Variants in MTX2 observed in about 807,000 individuals in gnomAD.
MTX2 encodes the protein metaxin-2.
Under a neutral mutation model 42.3 loss-of-function variants are expected in MTX2, and 35 were observed. The observed-to-expected ratio is 0.83, with a 90% CI of 0.63 to 1.10. The LOEUF (loss-of-function observed/expected upper bound fraction) is 1.10, where lower values mean the gene tolerates loss of function less well. MTX2 is among the 50% of genes least tolerant of loss of function. The pLI is 0.00. For synonymous variants in MTX2, 119 were observed against 100.9 expected (o/e 1.18, Z -1.08); for missense variants, 307 against 304.1 (o/e 1.01, Z -0.07).
intron 1 of MTX2, among the ~76,000 whole-genome samples, chr2:176,271,310 A>G (rs1575027439): frequency 6.6e-6 from 1 of 152,234 alleles, no homozygotes; most frequent in South Asian, 2.1e-4. Flanking sequence ...TTAGAGGAAA[A>G]CATAGATTAT....
intron 9 of MTX2, among the ~76,000 whole-genome samples, chr2:176,331,515 G>A (rs573683807): frequency 6.6e-6 from 1 of 150,806 alleles, no homozygotes; most frequent in African/African-American, 2.4e-5. Context: ...AACATATTTG[G>A]GTAAAGATAA....
intron 1 of MTX2, among the ~76,000 whole-genome samples, chr2:176,282,698 T>C (rs1001790686): frequency 1.4e-5 from 2 of 143,888 alleles, no homozygotes; most frequent in Non-Finnish European, 3.0e-5. Flanking sequence ...GTTTATCTAC[T>C]TTTTTTTTTT....
intron 7 of MTX2, 50 bp from the exon 8 acceptor site, chr2:176,329,251 G>A (rs755678970): frequency 2.0e-6 from 3 of 1,526,028 alleles, no homozygotes; most frequent in African/African-American, 1.4e-5. Context: ...GTAAAAACGG[G>A]CATTGTTTTT....
intron 1 of MTX2, among the ~76,000 whole-genome samples, chr2:176,294,429 G>A (rs890934842): frequency 2.6e-5 from 4 of 151,856 alleles, no homozygotes; most frequent in African/African-American, 9.7e-5. Context: ...GATTACAGGC[G>A]CCAGCCACCA....
chr2:176,278,649 G>A (rs1693006164), intron 1 of MTX2, among the ~76,000 whole-genome samples: 2 of 152,028 alleles, frequency 1.3e-5, no homozygotes, highest in African/African-American at 2.4e-5. Flanking sequence ...GAAAGAAAAC[G>A]CCACCAAACT....
intron 3 of MTX2, among the ~76,000 whole-genome samples, chr2:176,308,689 A>AC (rs1289139214): frequency 6.6e-6 from 1 of 152,080 alleles, no homozygotes; most frequent in East Asian, 1.9e-4. Flanking sequence ...AGAGGTGTTT[A>AC]TAGTATTCTC....
chr2:176,310,240 C>G lies in MTX2; in HGVS notation c.135+12345C>G, dbSNP rs977174775. On this transcript the variant is annotated intron_variant, in intron 3 of 9. Transcript: ENST00000249442. Reference sequence around the variant, plus strand: ...ACAATGTTGAATATTGGCCCCCAGTCTCTTCTGGTTTGTAGGGTTTCTGCC... The same window carrying G: ...ACAATGTTGAATATTGGCCCCCAGTGTCTTCTGGTTTGTAGGGTTTCTGCC... Among the ~76,000 whole-genome samples the G allele has an allele frequency of 6.2e-5, 9 of 145,408 alleles. No homozygotes were observed. In the East Asian group the frequency reaches 1.6e-3, roughly 25 times the overall value.
intron 3 of MTX2, among the ~76,000 whole-genome samples, chr2:176,303,971 G>T (rs1160629985): frequency 1.3e-5 from 2 of 151,808 alleles, no homozygotes; most frequent in African/African-American, 4.8e-5. Flanking sequence ...ATAGTTTGTT[G>T]CTATTAAACA....
At chr2:176,337,201 C>G (rs1479195247) in intron 9 of MTX2, among the ~76,000 whole-genome samples, 1 of 152,042 alleles carries the variant, frequency 6.6e-6, no homozygotes, top group African/African-American at 2.4e-5. Context: ...ACCACCATGC[C>G]TGGCTAATTT....
chr2:176,315,698 GATCCCA>G (rs1684419366), intron 3 of MTX2, among the ~76,000 whole-genome samples: 2 of 152,094 alleles, frequency 1.3e-5, no homozygotes, highest in Non-Finnish European at 2.9e-5. Context: ...TTGCCTCTCT[GATCCCA>G]TCTCTTAGTA....
chr2:176,332,026 T>A (rs987365537), intron 9 of MTX2, among the ~76,000 whole-genome samples: 1 of 151,216 alleles, frequency 6.6e-6, no homozygotes, highest in Non-Finnish European at 1.5e-5. Flanking sequence ...TTTTTCTTCA[T>A]AAGGGCACAA....
intron 4 of MTX2, among the ~76,000 whole-genome samples, chr2:176,325,904 A>G (rs752534588): frequency 8.6e-5 from 13 of 151,730 alleles, no homozygotes; most frequent in Non-Finnish European, 1.8e-4. Context: ...ATGTTGTCCT[A>G]TGGATGCAGT....
chr2:176,309,720 C>CT (rs745705028), intron 3 of MTX2, among the ~76,000 whole-genome samples: 5,155 of 98,496 alleles, frequency 0.052, 717 homozygotes, highest in African/African-American at 0.19. Context: ...GCAACCTCTG[C>CT]TTTTTTTTTT....
intron 3 of MTX2, among the ~76,000 whole-genome samples, chr2:176,315,819 C>G (rs1303868500): frequency 6.6e-6 from 1 of 152,130 alleles, no homozygotes; most frequent in Non-Finnish European, 1.5e-5. Context: ...ACTGTTCTCC[C>G]CTTAGATATC....
At chr2:176,307,265 A>T (rs981694905) in intron 3 of MTX2, among the ~76,000 whole-genome samples, 38 of 152,086 alleles carry the variant, frequency 2.5e-4, no homozygotes, top group African/African-American at 8.9e-4. Flanking sequence ...CCATTGGTCT[A>T]TATCTGTGTT....
intron 3 of MTX2, among the ~76,000 whole-genome samples, chr2:176,317,053 A>AAC (rs1558939574): frequency 1.4e-5 from 2 of 148,034 alleles, no homozygotes; most frequent in East Asian, 3.9e-4. Flanking sequence ...AAAAAAAAAC[A>AAC]AAAACTTTTA....
At chr2:176,330,365 C>CT (rs1684831013) in intron 8 of MTX2, among the ~76,000 whole-genome samples, 1 of 148,638 alleles carries the variant, frequency 6.7e-6, no homozygotes, top group South Asian at 2.1e-4. Context: ...GAAAGTATTT[C>CT]TTATAAGTAT....
intron 9 of MTX2, among the ~76,000 whole-genome samples, chr2:176,337,202 T>C (rs1248115020): frequency 1.3e-5 from 2 of 152,032 alleles, no homozygotes; most frequent in Admixed American, 6.6e-5. Context: ...CCACCATGCC[T>C]GGCTAATTTT....
chr2:176,308,398 A>G (rs187893729), intron 3 of MTX2, among the ~76,000 whole-genome samples: 238 of 152,340 alleles, frequency 1.6e-3, no homozygotes, highest in African/African-American at 5.3e-3. Context: ...CTCTGGTATC[A>G]GGATGATGTT....
Sources: gnomAD v4.1 joint callset for allele counts (sites outside exome capture counted in the v4.1 genomes callset) on GRCh38, gnomAD v4.1.1 for gene constraint, MANE v1.5 for transcripts, NCBI Gene and HGNC (gene_info 2026-07-23, HGNC 2026-07-21) for gene names.